Variants in WDR26 observed in about 807,000 individuals in gnomAD.
WDR26 encodes the protein WD repeat domain 26, also known as WD repeat-containing protein 26.
WDR26 carries 5 observed loss-of-function variants against 84.1 expected under a neutral mutation model. The ratio of observed to expected loss-of-function variants is 0.06; its 90% CI spans 0.03 to 0.13. WDR26 has a LOEUF of 0.13. WDR26 is among the 10% of genes least tolerant of loss of function. WDR26 has a pLI of 1.00. For synonymous variants in WDR26, 415 were observed against 389.6 expected, an observed-to-expected ratio of 1.07 and a Z score of -0.77; for missense variants, 642 against 974.9, an observed-to-expected ratio of 0.66 and a Z score of 4.55.
chr1:224,389,732 A>C lies in WDR26; in HGVS notation c.*103T>G. ...AAATGGTTCTTTTTTCATGACGAGC[A>C]TGTCTGTCCAGCTATCAATCATGTT... On this transcript the variant is annotated 3_prime_UTR_variant, in exon 14 of 14. Transcript: ENST00000414423. 2.5e-6 allele frequency: 3 copies of C among 1,179,196 alleles called. No homozygotes were observed. Among genetic ancestry groups the C allele is most frequent in the Non-Finnish European group, 2.5e-6 (2 of 794,450 alleles). The allele number at this position is 1,179,196 out of a possible 1,614,324, so 73.0% of individuals were successfully genotyped here.
chr1:224,412,228 TTAA>T (rs1673759358), intron 6 of WDR26, among the ~76,000 whole-genome samples: 1 of 152,174 alleles, frequency 6.6e-6, no homozygotes, highest in Admixed American at 6.5e-5. Flanking sequence ...TCAAATGTGA[TTAA>T]TAATATTTGG....
intron 7 of WDR26, among the ~76,000 whole-genome samples, chr1:224,409,732 G>C (rs929949497): frequency 6.6e-6 from 1 of 151,804 alleles, no homozygotes; most frequent in Non-Finnish European, 1.5e-5. Flanking sequence ...GCGTCGTGGT[G>C]CCTGCCTGTA....
At position 224,434,348 on chromosome 1, in the gene WDR26, T is replaced by C. The variant is rs1558452412; in HGVS notation, c.58A>G (p.Thr20Ala). The change falls in exon 1 of 14, where the codon ACC (threonine) becomes GCC (alanine). Residue 20 changes from threonine (T) to alanine (A), a missense_variant. By Grantham distance (58) the Thr-to-Ala change is moderately conservative. Transcript: ENST00000414423. ...CGCGGGGGCGGGGAGGCTCCGCCGG[T>C]GTCCGAGTCGGAGGAGGAGGAAGCG... The C allele has an allele frequency of 1.1e-5, 13 of 1,218,556 alleles. No individual in the cohort carries two copies. The highest frequency in any genetic ancestry group is 3.2e-4 in the Middle Eastern group (1 of 3,162). The allele number at this position is 1,218,556 out of a possible 1,614,324, so 75.5% of individuals were successfully genotyped here.
chr1:224,431,880 G>T, intron 1 of WDR26, 99 bp from the exon 2 acceptor site: 1 of 944,184 alleles, frequency 1.1e-6, no homozygotes, highest in Non-Finnish European at 1.5e-6. Context: ...AAGTTTTTAA[G>T]CTAGCCTCAT....
chr1:224,418,605 T>C (rs1394112458), intron 5 of WDR26, among the ~76,000 whole-genome samples, 189 bp from the exon 6 acceptor site: 6 of 152,202 alleles, frequency 3.9e-5, no homozygotes. Flanking sequence ...ATGCTGCTCA[T>C]AAAATTGGAT....
chr1:224,392,613 AAT>A (rs1673158608), intron 13 of WDR26, among the ~76,000 whole-genome samples: 1 of 152,184 alleles, frequency 6.6e-6, no homozygotes, highest in Admixed American at 6.5e-5. Context: ...TTCCTAGAGG[AAT>A]GTTAGAATGT....
intron 13 of WDR26, 33 bp from the exon 14 acceptor site, chr1:224,389,893 CGGGCGGGGGA>C: frequency 1.3e-4 from 14 of 111,852 alleles, no homozygotes; most frequent in East Asian, 3.2e-4. Context: ...GTATGGGGGG[CGGGCGGGGGA>C]GGGAAGAGGG....
At position 224,418,561 on chromosome 1, in the gene WDR26, T is replaced by A. The variant is rs956458106; in HGVS notation, c.1163-145A>T. The stretch of plus-strand genomic sequence containing the variant: ...GAGAAGTTCTGCGTTATGCGATACG[T>A]GAGCTTTACGAATATTTGTCAGCAG... On this transcript the variant is annotated intron_variant, in intron 5 of 13. Transcript: ENST00000414423. The A allele has an allele frequency of 2.7e-4, 188 of 688,780 alleles. 1 individual carries two copies. Among genetic ancestry groups the A allele is most frequent in the Admixed American group, 7.1e-5 (2 of 28,142 alleles). The allele number at this position is 688,780 out of a possible 1,614,324, so 42.7% of individuals were successfully genotyped here. A position where few individuals can be genotyped will look rare whatever the true frequency, so the allele number is the denominator to read the frequency against.
Position 224,386,688 on chromosome 1 carries a change from T to C in WDR26, c.*3147A>G, listed in dbSNP as rs1162478957. 6.6e-6 allele frequency: 1 copy of C among 152,252 alleles called. No individual in the cohort carries two copies. The highest frequency in any genetic ancestry group is 1.5e-5 in the Non-Finnish European group (1 of 68,030). The allele number at this position is 152,252 out of a possible 1,614,324, so 9.4% of individuals were successfully genotyped here. A position where few individuals can be genotyped will look rare whatever the true frequency, so the allele number is the denominator to read the frequency against. ...TTTTTTTCTCCTTTCAATTGCAGGA[T>C]ATTCTGATTATTTAAAGTTAGGGAA... On this transcript the variant is annotated 3_prime_UTR_variant, in exon 14 of 14. Transcript: ENST00000414423.
At position 224,434,106 on chromosome 1, in the gene WDR26, G is replaced by A. The variant is rs1674520052; in HGVS notation, c.300C>T (p.Ile100=). Reference sequence around the variant, plus strand: ...CTCCTCCTGCCCCATTGGCCTGCATGATGCTGCCGCTGACCAGGCTGTGGC... The same window carrying A: ...CTCCTCCTGCCCCATTGGCCTGCATAATGCTGCCGCTGACCAGGCTGTGGC... Residue 100 remains isoleucine (I), a synonymous_variant, in exon 1 of 14, where the codon ATC becomes ATT. Transcript: ENST00000414423. 7.7e-6 allele frequency: 11 copies of A among 1,431,982 alleles called. No homozygotes were observed. Among genetic ancestry groups the A allele is most frequent in the Non-Finnish European group, 1.0e-5 (11 of 1,097,492 alleles). 88.7% of individuals were successfully genotyped at this position (1,431,982 alleles called of 1,614,324 possible). A position where few individuals can be genotyped will look rare whatever the true frequency, so the allele number is the denominator to read the frequency against.
chr1:224,393,639 C>A (rs945390295), intron 13 of WDR26, among the ~76,000 whole-genome samples, 189 bp downstream of exon 13: 4 of 152,168 alleles, frequency 2.6e-5, no homozygotes, highest in East Asian at 3.8e-4. Flanking sequence ...CCCCCCAAAA[C>A]AACCACTACA....
At chr1:224,395,401 T>C (rs1229684544) in intron 12 of WDR26, among the ~76,000 whole-genome samples, 1 of 152,112 alleles carries the variant, frequency 6.6e-6, no homozygotes, top group Non-Finnish European at 1.5e-5. Flanking sequence ...GTACTGCCAG[T>C]TGAGGAAACC....
intron 13 of WDR26, among the ~76,000 whole-genome samples, chr1:224,391,363 CAAAAAA>C (rs869213487): frequency 2.2e-5 from 2 of 89,144 alleles, no homozygotes; most frequent in African/African-American, 4.5e-5. Context: ...AACTCTGTCT[CAAAAAA>C]AAAAAAAAAA....
intron 6 of WDR26, among the ~76,000 whole-genome samples, chr1:224,416,046 G>C (rs1673893663): frequency 6.6e-6 from 1 of 152,214 alleles, no homozygotes; most frequent in Non-Finnish European, 1.5e-5. Flanking sequence ...TTGCGAATGT[G>C]TAGTAGGCAA....
At chr1:224,402,027 T>C (rs1673434975) in intron 8 of WDR26, 1 of 152,206 alleles carries the variant, frequency 6.6e-6, no homozygotes, top group Admixed American at 6.5e-5. Flanking sequence ...CTTGATTCCA[T>C]TTTGTTCATG....
chr1:224,421,897 A>C (rs1374463337), intron 4 of WDR26, among the ~76,000 whole-genome samples: 2 of 152,188 alleles, frequency 1.3e-5, no homozygotes, highest in South Asian at 4.1e-4. Context: ...TGTGCTGGCT[A>C]CTTAACTTCT....
chr1:224,426,085 T>C lies in WDR26; in HGVS notation c.928-1431A>G, dbSNP rs370371700. Among the ~76,000 whole-genome samples, 18 of 152,336 alleles carry C rather than the reference T, an allele frequency of 1.2e-4. No individual in the cohort carries two copies. The East Asian group carries it at 3.3e-3, about 28-fold the overall frequency. On this transcript the variant is annotated intron_variant, in intron 3 of 13. Coordinates refer to ENST00000414423, the MANE Select transcript of WDR26 (RefSeq NM_001379403.1). Reference sequence around the variant, plus strand: ...GTTGGCCAGGCTGGTCTTGAACTCCTGACCTCAAGTGATCTGCCCACCTTG... The same window carrying C: ...GTTGGCCAGGCTGGTCTTGAACTCCCGACCTCAAGTGATCTGCCCACCTTG...
At chr1:224,429,503 G>A (rs1438296836) in intron 3 of WDR26, 2 of 152,188 alleles carry the variant, frequency 1.3e-5, no homozygotes, top group Non-Finnish European at 2.9e-5. Context: ...TTCTTCTGGA[G>A]ATGGGATGGA....
chr1:224,417,621 A>G (rs747645369), intron 6 of WDR26, among the ~76,000 whole-genome samples: 2 of 152,212 alleles, frequency 1.3e-5, no homozygotes, highest in Non-Finnish European at 2.9e-5. Context: ...TGAGTGGATC[A>G]CTTGAGCCTA....
Sources: gnomAD v4.1 joint callset for allele counts (sites outside exome capture counted in the v4.1 genomes callset) on GRCh38, gnomAD v4.1.1 for gene constraint, MANE v1.5 for transcripts, NCBI Gene and HGNC (gene_info 2026-07-23, HGNC 2026-07-21) for gene names.